The following DOP1B variants were observed in gnomAD, a reference collection of about 807,000 sequenced individuals.
The protein encoded by DOP1B is protein DOP1B.
A neutral mutation model predicts 233.5 loss-of-function variants in DOP1B; 174 were observed. That is an observed-to-expected ratio of 0.75 (90% CI 0.66 to 0.85). DOP1B has a LOEUF of 0.85. Among genes scored for constraint, DOP1B ranks in the 40% least tolerant of loss-of-function variants. DOP1B has a pLI of 0.00. For synonymous variants in DOP1B, 1,190 were observed against 1,185.6 expected, an observed-to-expected ratio of 1.00 and a Z score of -0.08; for missense variants, 2,652 against 2,846.6, an observed-to-expected ratio of 0.93 and a Z score of 1.56.
Position 36,246,018 on chromosome 21 carries a change from CAA to C in DOP1B, c.4041_4042del (p.Ser1348CysfsTer72). On this transcript the variant is annotated frameshift_variant, in exon 19 of 37. Coordinates refer to ENST00000691173, the MANE Select transcript of DOP1B (RefSeq NM_001320714.2). LOFTEE classifies it high-confidence loss of function. This position sits in a 1 kb window ranked among gnomAD's most constrained non-coding sequence, Gnocchi z 5.1. ...TTCTCGGCAACCGGGACGTGCAGGT[CAA>C]AAGTGTCGAGGTTTTGATCAGGATA... is the stretch of plus-strand genomic sequence containing the variant. The part of the protein sequence containing the change: ...DILGNRDVQV[K>X]SVEVLIRIMM... 1 of 1,613,754 alleles carries C rather than the reference CAA, an allele frequency of 6.2e-7. No individual in the cohort carries two copies. The highest frequency in any genetic ancestry group is 8.5e-7 in the Non-Finnish European group (1 of 1,179,972).
chr21:36,293,543 A>G lies in DOP1B; in HGVS notation c.6869A>G (p.Tyr2290Cys), dbSNP rs1206799452. The change falls in exon 37 of 37, where the codon TAT becomes TGT. Residue 2290 changes from tyrosine (Y) to cysteine (C), a missense_variant. Coordinates refer to ENST00000691173, the MANE Select transcript of DOP1B (RefSeq NM_001320714.2). ...ILKQLEECIE[Y>C]DFLEHPEC ...AAACAACTGGAAGAATGCATCGAAT[A>G]TGATTTTCTGGAACATCCAGAATGT... 1.9e-6 allele frequency: 3 copies of G among 1,614,180 alleles called. No homozygotes were observed. Among genetic ancestry groups the G allele is most frequent in the Non-Finnish European group, 2.5e-6 (3 of 1,179,998 alleles).
Position 36,163,215 on chromosome 21 carries a change from G to A in DOP1B, c.-26-1493G>A, listed in dbSNP as rs151272289. Among the ~76,000 whole-genome samples, 1,361 of 152,040 alleles carry A rather than the reference G, an allele frequency of 9.0e-3. 13 individuals carry two copies. Among genetic ancestry groups the A allele is most frequent in the Non-Finnish European group, 0.014 (953 of 67,974 alleles). On this transcript the variant is annotated intron_variant, in intron 1 of 36. Transcript: ENST00000691173. ...AAAAATTAGCTGGACATGGTGGCAC[G>A]TGCCTGTAGCCCCAGCTATTTGGGA...
At position 36,200,484 on chromosome 21, in the gene DOP1B, C is replaced by A. The variant is rs1342198844; in HGVS notation, c.474C>A (p.Gly158=). The A allele has an allele frequency of 1.2e-6, 2 of 1,608,292 alleles. No homozygotes were observed. The highest frequency in any genetic ancestry group is 1.7e-6 in the Non-Finnish European group (2 of 1,178,366). Residue 158 remains glycine, a synonymous_variant, in exon 4 of 37, where the codon GGC becomes GGA. Coordinates refer to ENST00000691173, the MANE Select transcript of DOP1B (RefSeq NM_001320714.2). ...GCCTGCTGCCCGGCCTTGAAGAGGG[C>A]TCCGAGATCTCCGACAGGTGCGTGG... ...IVGLLPGLEE[G]SEISDRTDAL...
At chr21:36,257,474 G>A (rs1458267940) in intron 23 of DOP1B, among the ~76,000 whole-genome samples, 1 of 152,220 alleles carries the variant, frequency 6.6e-6, no homozygotes, top group Non-Finnish European at 1.5e-5. Flanking sequence ...TCTCCAGAAT[G>A]AGGGTCTTAT....
chr21:36,222,471 A>G (rs528066939), intron 10 of DOP1B, among the ~76,000 whole-genome samples: 59 of 151,512 alleles, frequency 3.9e-4, no homozygotes, highest in Middle Eastern at 3.4e-3. Context: ...AATCCATCCT[A>G]GCTACTCGGG....
At chr21:36,169,845 A>G (rs1033047079) in intron 2 of DOP1B, 2 of 903,722 alleles carry the variant, frequency 2.2e-6, no homozygotes, top group South Asian at 1.3e-5. Flanking sequence ...TTTTGCACTC[A>G]TCGTTGATGT....
Position 36,206,997 on chromosome 21 carries a change from T to C in DOP1B, c.492-1718T>C, listed in dbSNP as rs959226737. Among the ~76,000 whole-genome samples, 12 of 152,226 alleles carry C rather than the reference T, an allele frequency of 7.9e-5. No individual in the cohort carries two copies. In the East Asian group the frequency reaches 2.3e-3, roughly 29 times the overall value. On this transcript the variant is annotated intron_variant, in intron 4 of 36. Transcript: ENST00000691173. ...ATGTACTTTTAATATAACGCGATGG[T>C]AGATATTTTTGAAGGAAATACAAAA...
intron 26 of DOP1B, among the ~76,000 whole-genome samples, chr21:36,268,775 TTC>T: frequency 6.6e-6 from 1 of 152,310 alleles, no homozygotes; most frequent in East Asian, 1.9e-4. Flanking sequence ...GTTCAAATGA[TTC>T]TCCTGCCTCA....
At chr21:36,250,074 G>C (rs1189026588) in intron 21 of DOP1B, among the ~76,000 whole-genome samples, 3 of 152,124 alleles carry the variant, frequency 2.0e-5, no homozygotes, top group Non-Finnish European at 4.4e-5. Context: ...ATGGGTTGAG[G>C]GAAAGAGTAA....
At chr21:36,206,282 C>T (rs184673112) in intron 4 of DOP1B, among the ~76,000 whole-genome samples, 1 of 151,998 alleles carries the variant, frequency 6.6e-6, no homozygotes, top group East Asian at 1.9e-4. Flanking sequence ...CCTGTAGTCC[C>T]AGCACTGAGA....
At chr21:36,288,272 G>GCATTTTATCTAAATGTTATTTTTAATCA in intron 33 of DOP1B, 122 bp downstream of exon 33, 1 of 930,540 alleles carries the variant, frequency 1.1e-6, no homozygotes, top group Admixed American at 2.8e-5. Context: ...TAATCAGGTT[G>GCATTTTATCTAAATGTTATTTTTAATCA]GTAGCACATG....
Position 36,239,942 on chromosome 21 carries a change from G to A in DOP1B, c.3054G>A (p.Gln1018=), listed in dbSNP as rs2066874538. ...GAACCTCCATCCACTGCCTCAAGCA[G>A]GAGAACTCGGCCGGTGAGCAGCCTG... The part of the protein sequence containing the change: ...TQRTSIHCLK[Q]ENSADDLHRW... Residue 1018 remains glutamine, a synonymous_variant, in exon 18 of 37, where the codon CAG becomes CAA. Coordinates refer to ENST00000691173, the MANE Select transcript of DOP1B (RefSeq NM_001320714.2). 4 of 1,609,802 alleles carry A rather than the reference G, an allele frequency of 2.5e-6. No homozygotes were observed. The East Asian group carries it at 6.7e-5, about 27-fold the overall frequency.
At chr21:36,270,391 A>G (rs1317236063) in intron 27 of DOP1B, among the ~76,000 whole-genome samples, 1 of 150,944 alleles carries the variant, frequency 6.6e-6, no homozygotes, top group Non-Finnish European at 1.5e-5. Context: ...CGTCTCTACT[A>G]AAAGTAAAAA....
At chr21:36,241,693 CTTTTTTTTT>C (rs58454212) in intron 18 of DOP1B, among the ~76,000 whole-genome samples, 10 of 105,550 alleles carry the variant, frequency 9.5e-5, no homozygotes, top group East Asian at 2.9e-4. Flanking sequence ...TTCTTTCTTT[CTTTTTTTTT>C]TTTTTTTTTT....
intron 10 of DOP1B, among the ~76,000 whole-genome samples, chr21:36,221,422 G>A (rs1437013128): frequency 3.3e-5 from 5 of 151,880 alleles, no homozygotes; most frequent in Non-Finnish European, 7.4e-5. Flanking sequence ...TTGAACCTGG[G>A]AGGTGGAGGC....
In DOP1B at chr21:36,168,677, C is replaced by T. The variant is rs560298400; in HGVS notation, c.138+3806C>T. The stretch of plus-strand genomic sequence containing the variant: ...GAGTAGCTGGGGTTATAGGCGTTAG[C>T]GACCATGCCTGGCTAATTTTTTATT... On this transcript the variant is annotated intron_variant, in intron 2 of 36. Coordinates refer to ENST00000691173, the MANE Select transcript of DOP1B (RefSeq NM_001320714.2). 4.6e-5 allele frequency among the ~76,000 whole-genome samples: 7 copies of T among 152,032 alleles called. No homozygotes were observed. The East Asian group carries it at 7.8e-4, about 17-fold the overall frequency.
chr21:36,184,677 T>C (rs2066142901), intron 2 of DOP1B, among the ~76,000 whole-genome samples: 1 of 152,212 alleles, frequency 6.6e-6, no homozygotes, highest in African/African-American at 2.4e-5. Flanking sequence ...GGCCTGAGGC[T>C]CTGCGTTCCC....
intron 6 of DOP1B, 23 bp downstream of exon 6, chr21:36,211,674 G>A (rs2066500063): frequency 6.2e-7 from 1 of 1,609,060 alleles, no homozygotes; most frequent in Non-Finnish European, 8.5e-7. Flanking sequence ...TACTCTTCTG[G>A]TAAGTCACTG....
chr21:36,180,781 T>C (rs113443984), intron 2 of DOP1B, among the ~76,000 whole-genome samples: 24,580 of 151,748 alleles, frequency 0.16, 2,314 homozygotes, highest in South Asian at 0.22. Flanking sequence ...CTTGAGAGAC[T>C]GAGGCATGAG....
Sources: gnomAD v4.1 joint callset for allele counts (sites outside exome capture counted in the v4.1 genomes callset) on GRCh38, gnomAD v4.1.1 for gene constraint, Gnocchi (gnomAD v3.1) non-coding constraint, MANE v1.5 for transcripts, NCBI Gene and HGNC (gene_info 2026-07-23, HGNC 2026-07-21) for gene names.